ANXA11: variants seen among roughly 807,000 people sequenced by gnomAD.
ANXA11 encodes 56 kDa autoantigen.
ANXA11 carries 57 observed loss-of-function variants against 64.7 expected under a neutral mutation model. The observed-to-expected ratio is 0.88, with a 90% confidence interval of 0.71 to 1.10. The LOEUF (loss-of-function observed/expected upper bound fraction) is 1.10. ANXA11 is among the 50% of genes least tolerant of loss of function. ANXA11 has a pLI of 0.00. For missense variants in ANXA11, 675 were observed against 670.7 expected, an observed-to-expected ratio of 1.01 and a Z score of -0.07; for synonymous variants, 260 against 265.2, an observed-to-expected ratio of 0.98 and a Z score of 0.19.
intron 1 of ANXA11, among the ~76,000 whole-genome samples, chr10:80,202,202 GAA>G (rs1439292198): frequency 4.3e-4 from 63 of 147,514 alleles, no homozygotes; most frequent in Admixed American, 8.8e-4. Flanking sequence ...CTGTGGGGGG[GAA>G]GCGGGGGGTC....
intron 2 of ANXA11, among the ~76,000 whole-genome samples, chr10:80,174,624 T>A (rs374352887): frequency 6.6e-6 from 1 of 151,934 alleles, no homozygotes; most frequent in East Asian, 1.9e-4. Context: ...CAGGCTGGAG[T>A]GCAGTGGTGC....
chr10:80,199,918 T>G (rs1305312922), intron 1 of ANXA11, among the ~76,000 whole-genome samples: 1 of 152,220 alleles, frequency 6.6e-6, no homozygotes, highest in Non-Finnish European at 1.5e-5. Flanking sequence ...AGCTTATGAC[T>G]TGGGGCCCGC....
rs1845234714 is a variant in ANXA11 at position 80,155,270 on chromosome 10, AG to A, written c.*582del. 6.5e-6 allele frequency: 1 copy of A among 152,936 alleles called. No individual in the cohort carries two copies. The highest frequency in any genetic ancestry group is 1.5e-5 in the Non-Finnish European group (1 of 68,316). 9.5% of individuals were successfully genotyped at this position (152,936 alleles called of 1,614,324 possible). ...TGGCTTTGTTCTCGTGGTTTCTGCA[AG>A]GAAGATGGAAGGAATGACTTTCTGG... is the stretch of plus-strand genomic sequence containing the variant. On this transcript the variant is annotated 3_prime_UTR_variant, in exon 16 of 16. Coordinates refer to ENST00000422982, the MANE Select transcript of ANXA11 (RefSeq NM_145868.2).
chr10:80,175,492 T>C (rs995047632), intron 2 of ANXA11, among the ~76,000 whole-genome samples: 4 of 151,946 alleles, frequency 2.6e-5, no homozygotes, highest in African/African-American at 9.7e-5. Flanking sequence ...CTGTTCCTTA[T>C]ACCAAGTAAA....
intron 1 of ANXA11, among the ~76,000 whole-genome samples, chr10:80,178,672 C>T (rs1846255794): frequency 1.3e-5 from 2 of 152,260 alleles, no homozygotes. Context: ...GGCCCCACCT[C>T]CAGAGTCTTT....
chr10:80,159,726 G>A (rs1297883771), intron 12 of ANXA11, among the ~76,000 whole-genome samples: 3 of 152,148 alleles, frequency 2.0e-5, no homozygotes, highest in Non-Finnish European at 4.4e-5. Context: ...TGCACCACCT[G>A]ATGTCCCTCC....
At chr10:80,184,056 TA>T (rs1846449769) in intron 1 of ANXA11, among the ~76,000 whole-genome samples, 1 of 152,164 alleles carries the variant, frequency 6.6e-6, no homozygotes, top group Non-Finnish European at 1.5e-5. Context: ...AGCACATATA[TA>T]AAACAGAACA....
intron 1 of ANXA11, among the ~76,000 whole-genome samples, chr10:80,197,453 G>A (rs915439481): frequency 1.3e-5 from 2 of 152,160 alleles, no homozygotes; most frequent in African/African-American, 4.8e-5. Context: ...ACAGAGAATG[G>A]GGGTTGGCAA....
chr10:80,172,970 C>T, intron 2 of ANXA11, 101 bp from the exon 3 acceptor site: 1 of 1,005,340 alleles, frequency 9.9e-7, no homozygotes, highest in East Asian at 2.4e-5. Flanking sequence ...ACAACTGGGA[C>T]CCTGCAGAAG....
At chr10:80,198,196 C>T (rs1390528013) in intron 1 of ANXA11, among the ~76,000 whole-genome samples, 4 of 152,254 alleles carry the variant, frequency 2.6e-5, no homozygotes, top group African/African-American at 9.6e-5. Context: ...ACCTGAGGAA[C>T]ACAGGCTTAG....
intron 2 of ANXA11, among the ~76,000 whole-genome samples, chr10:80,175,228 T>G (rs963026214): frequency 6.6e-6 from 1 of 152,098 alleles, no homozygotes. Flanking sequence ...ACTTCACTGG[T>G]GAGGAGGTAA....
At chr10:80,173,482 T>A (rs1367554052) in intron 2 of ANXA11, among the ~76,000 whole-genome samples, 1 of 152,234 alleles carries the variant, frequency 6.6e-6, no homozygotes, top group African/African-American at 2.4e-5. Context: ...TCACCCTGTT[T>A]CTGCAGTAGA....
intron 3 of ANXA11, 149 bp downstream of exon 3, chr10:80,172,658 G>A: frequency 3.9e-6 from 3 of 772,802 alleles, no homozygotes; most frequent in Non-Finnish European, 4.3e-6. Context: ...TCGGCTGGCT[G>A]TCCCACTACT....
intron 1 of ANXA11, among the ~76,000 whole-genome samples, chr10:80,184,482 T>C (rs1430924149): frequency 6.6e-6 from 1 of 152,132 alleles, no homozygotes; most frequent in Non-Finnish European, 1.5e-5. Flanking sequence ...AACCCCATCA[T>C]AAAGTTGAAA....
chr10:80,204,276 G>C (rs1042975802), intron 1 of ANXA11, among the ~76,000 whole-genome samples: 5 of 152,204 alleles, frequency 3.3e-5, no homozygotes, highest in Admixed American at 2.6e-4. Flanking sequence ...GCAGCACAAA[G>C]AATGCCTTGA....
intron 1 of ANXA11, chr10:80,181,025 T>C (rs1203443363): frequency 6.6e-6 from 1 of 152,272 alleles, no homozygotes; most frequent in Non-Finnish European, 1.5e-5. Flanking sequence ...CCTCCAGAAC[T>C]GTGAGCCAAA....
rs1845762925 is a variant in ANXA11, at chr10:80,166,907, T to C, written c.727A>G (p.Lys243Glu). The C allele has an allele frequency of 3.1e-6, 5 of 1,608,158 alleles. No homozygotes were observed. Among genetic ancestry groups the C allele is most frequent in the Non-Finnish European group, 4.2e-6 (5 of 1,177,916 alleles). Residue 243 changes from lysine (K) to glutamate (E), a missense_variant, in exon 7 of 16, where the codon AAG (lysine) becomes GAG (glutamate). Lys to Glu is a moderately conservative substitution (Grantham distance 56). Coordinates refer to ENST00000422982, the MANE Select transcript of ANXA11 (RefSeq NM_145868.2). Reference sequence around the variant, plus strand: ...CAGCTCGCCTTGCCGTAAGCCGTCTTGAAGGAAAGTAGGATCTGCTGCCGC... The same window carrying C: ...CAGCTCGCCTTGCCGTAAGCCGTCTCGAAGGAAAGTAGGATCTGCTGCCGC... ...KQRQQILLSF[K>E]TAYGKDLIKD...
At chr10:80,180,053 A>G (rs966559396) in intron 1 of ANXA11, among the ~76,000 whole-genome samples, 2 of 152,218 alleles carry the variant, frequency 1.3e-5, no homozygotes, top group African/African-American at 4.8e-5. Flanking sequence ...CAGTGGCTGC[A>G]AAATGGCCTG....
At chr10:80,185,543 A>C (rs925230232) in intron 1 of ANXA11, among the ~76,000 whole-genome samples, 1 of 152,254 alleles carries the variant, frequency 6.6e-6, no homozygotes, top group Non-Finnish European at 1.5e-5. Flanking sequence ...TCCTGTAACA[A>C]AAGTGCCTGC....
Sources: gnomAD v4.1 joint callset for allele counts (sites outside exome capture counted in the v4.1 genomes callset) on GRCh38, gnomAD v4.1.1 for gene constraint, MANE v1.5 for transcripts, NCBI Gene and HGNC (gene_info 2026-07-23, HGNC 2026-07-21) for gene names.